The following TVP23A variants were observed in gnomAD, a reference collection of about 807,000 sequenced individuals.
TVP23A encodes the protein trans-golgi network vesicle protein 23 homolog A, also known as Golgi apparatus membrane protein TVP23 homolog A.
In TVP23A, 21 loss-of-function variants were observed where a neutral mutation model predicts 31.7. The ratio of observed to expected loss-of-function variants is 0.66; its 90% CI spans 0.47 to 0.95. The LOEUF (loss-of-function observed/expected upper bound fraction) is 0.95, where lower values mean the gene tolerates loss of function less well. TVP23A is among the 40% of genes least tolerant of loss of function. The pLI is 0.00. For synonymous variants in TVP23A, 104 were observed against 96.0 expected (o/e 1.08, Z -0.49); for missense variants, 279 against 255.6 (o/e 1.09, Z -0.62).
chr16:10,801,212 T>A (rs919638111), intron 2 of TVP23A, among the ~76,000 whole-genome samples: 7 of 152,142 alleles, frequency 4.6e-5, no homozygotes, highest in Admixed American at 4.6e-4. Context: ...ATGCGATTTC[T>A]AGGCCATCTT....
intron 7 of TVP23A, 58 bp downstream of exon 7, chr16:10,770,214 G>T: frequency 6.5e-7 from 1 of 1,543,568 alleles, no homozygotes; most frequent in Non-Finnish European, 8.7e-7. Context: ...TGCCCCAAGA[G>T]CTGCATTTTT....
chr16:10,805,716 T>C (rs1210957349), intron 2 of TVP23A, among the ~76,000 whole-genome samples: 2 of 151,756 alleles, frequency 1.3e-5, no homozygotes, highest in African/African-American at 2.4e-5. Context: ...TCATTGCTTA[T>C]ATGTTTATTG....
intron 2 of TVP23A, among the ~76,000 whole-genome samples, chr16:10,797,304 G>A (rs561244813): frequency 6.6e-5 from 10 of 151,870 alleles, no homozygotes; most frequent in South Asian, 2.1e-4. Context: ...AGGCCGAGAC[G>A]GGCGGATCAC....
intron 2 of TVP23A, among the ~76,000 whole-genome samples, chr16:10,798,008 T>A (rs1268636559): frequency 3.4e-5 from 5 of 147,688 alleles, no homozygotes; most frequent in African/African-American, 1.3e-4. Context: ...CAGGCTGGAG[T>A]GCAGTGGCGC....
chr16:10,787,625 C>T (rs1417454130), intron 2 of TVP23A, among the ~76,000 whole-genome samples: 7 of 152,152 alleles, frequency 4.6e-5, no homozygotes, highest in South Asian at 2.1e-4. Flanking sequence ...GTAAATCAGA[C>T]ACTGCCTCCT....
At chr16:10,802,724 A>T (rs1003248448) in intron 2 of TVP23A, among the ~76,000 whole-genome samples, 4 of 152,202 alleles carry the variant, frequency 2.6e-5, no homozygotes, top group African/African-American at 9.6e-5. Context: ...TTCCAATTCA[A>T]CGTATCTTGC....
At chr16:10,809,275 C>A (rs1444918439) in intron 2 of TVP23A, among the ~76,000 whole-genome samples, 3 of 152,196 alleles carry the variant, frequency 2.0e-5, no homozygotes, top group Non-Finnish European at 4.4e-5. Context: ...AGTTCAAGGT[C>A]ACTGTGAGTC....
intron 2 of TVP23A, among the ~76,000 whole-genome samples, chr16:10,797,260 G>A (rs1052047061): frequency 2.6e-5 from 4 of 152,096 alleles, no homozygotes; most frequent in African/African-American, 7.2e-5. Context: ...TTGGCCAGGC[G>A]CAGTGGTTCA....
rs1027791820 is a variant in TVP23A at position 10,768,342 on chromosome 16, C to A, written c.*760G>T. ...AAAAGGCCAGGTGCAGTGGCTCACA[C>A]CTGGAATCCCAGCACTTTGGGTGAA... On this transcript the variant is annotated 3_prime_UTR_variant, in exon 8 of 8. Coordinates refer to ENST00000299866, the MANE Select transcript of TVP23A (RefSeq NM_001079512.4). The surrounding 1 kb of genome is among the most constrained non-coding windows in gnomAD (Gnocchi z 4.3). The A allele has an allele frequency of 4.2e-5, 8 of 190,418 alleles. No homozygotes were observed. Among genetic ancestry groups the A allele is most frequent in the African/African-American group, 7.1e-5 (3 of 42,152 alleles). 11.8% of individuals were successfully genotyped at this position (190,418 alleles called of 1,614,324 possible). A position where few individuals can be genotyped will look rare whatever the true frequency, so the allele number is the denominator to read the frequency against.
In TVP23A at chr16:10,785,304, T is replaced by C. The variant is rs371596050; in HGVS notation, c.90-10208A>G. On this transcript the variant is annotated intron_variant, in intron 2 of 7. Transcript: ENST00000299866. ...CTGTAATCCCAGCTACTCAGGAGGC[T>C]GAGGCACGAGAATCGCTTGAACTGG... Among the ~76,000 whole-genome samples the C allele has an allele frequency of 3.0e-4, 46 of 151,840 alleles. No individual in the cohort carries two copies. The East Asian group carries it at 3.7e-3, about 12-fold the overall frequency.
chr16:10,808,772 A>G (rs1290250522), intron 2 of TVP23A, among the ~76,000 whole-genome samples: 3 of 152,002 alleles, frequency 2.0e-5, no homozygotes, highest in African/African-American at 7.3e-5. Flanking sequence ...ACAAGATCTT[A>G]TCCCCCCACA....
At chr16:10,799,769 T>A (rs932813187) in intron 2 of TVP23A, among the ~76,000 whole-genome samples, 1 of 152,034 alleles carries the variant, frequency 6.6e-6, no homozygotes, top group African/African-American at 2.4e-5. Flanking sequence ...TTGAGGAGAG[T>A]TGGGGGTGAG....
At chr16:10,758,131 G>A, downstream of TVP23A, 1 of 1,347,962 alleles carries the variant, frequency 7.4e-7, no homozygotes. Context: ...GCTCTTCCCA[G>A]TGTGTGTTCC....
rs538413500 is a variant in TVP23A, at chr16:10,778,048, G to C, written c.90-2952C>G. 3.3e-5 allele frequency among the ~76,000 whole-genome samples: 5 copies of C among 151,728 alleles called. No homozygotes were observed. The South Asian group carries it at 1.0e-3, about 32-fold the overall frequency. On this transcript the variant is annotated intron_variant, in intron 2 of 7. Coordinates refer to ENST00000299866, the MANE Select transcript of TVP23A (RefSeq NM_001079512.4). The stretch of plus-strand genomic sequence containing the variant: ...ATAAAAATAAAAGAAGAATTAGACA[G>C]GATCACCAGGTGTGGTGGCTCACAC...
chr16:10,771,483 C>G (rs542233057), intron 6 of TVP23A, among the ~76,000 whole-genome samples, 187 bp downstream of exon 6: 3 of 152,258 alleles, frequency 2.0e-5, no homozygotes, highest in East Asian at 1.9e-4. Flanking sequence ...TGCAATAGGC[C>G]GCGATCACAC....
At chr16:10,814,081 A>G (rs1316412428) in intron 2 of TVP23A, among the ~76,000 whole-genome samples, 1 of 148,624 alleles carries the variant, frequency 6.7e-6, no homozygotes, top group Non-Finnish European at 1.5e-5. Flanking sequence ...TCAGGATTTT[A>G]GAGCCATCTC....
At chr16:10,785,537 G>T (rs2032702665) in intron 2 of TVP23A, among the ~76,000 whole-genome samples, 2 of 152,220 alleles carry the variant, frequency 1.3e-5, no homozygotes, top group Non-Finnish European at 2.9e-5. Context: ...CTGATTTGGG[G>T]GTGTAAACCC....
chr16:10,810,715 A>G (rs2034157626), intron 2 of TVP23A, among the ~76,000 whole-genome samples: 1 of 152,156 alleles, frequency 6.6e-6, no homozygotes, highest in African/African-American at 2.4e-5. Flanking sequence ...CTCCTCTCAG[A>G]CATCATACCT....
At position 10,768,348 on chromosome 16, in the gene TVP23A, A is replaced by G; in HGVS notation, c.*754T>C. ...CCAGGTGCAGTGGCTCACACCTGGA[A>G]TCCCAGCACTTTGGGTGAAGGAGGC... On this transcript the variant is annotated 3_prime_UTR_variant, in exon 8 of 8. Transcript: ENST00000299866. The surrounding 1 kb of genome is among the most constrained non-coding windows in gnomAD (Gnocchi z 4.3). 5.4e-6 allele frequency: 1 copy of G among 186,590 alleles called. No homozygotes were observed. The allele number at this position is 186,590 out of a possible 1,614,324, so 11.6% of individuals were successfully genotyped here.
Sources: gnomAD v4.1 joint callset for allele counts (sites outside exome capture counted in the v4.1 genomes callset) on GRCh38, gnomAD v4.1.1 for gene constraint, Gnocchi (gnomAD v3.1) non-coding constraint, MANE v1.5 for transcripts, NCBI Gene and HGNC (gene_info 2026-07-23, HGNC 2026-07-21) for gene names.